ZNF568: variants seen among roughly 807,000 people sequenced by gnomAD.
ZNF568 encodes the protein p53 inhibitor of SCO2 activation.
Under a neutral mutation model 18.1 loss-of-function variants are expected in ZNF568, and 11 were observed. The ratio of observed to expected loss-of-function variants is 0.61; its 90% CI spans 0.38 to 1.00. The LOEUF is 1.00. ZNF568 is among the 50% of genes least tolerant of loss of function. The pLI is 0.01. For missense variants in ZNF568, 639 were observed against 768.2 expected, an observed-to-expected ratio of 0.83 and a Z score of 1.99; for synonymous variants, 213 against 246.6, an observed-to-expected ratio of 0.86 and a Z score of 1.28.
chr19:36,946,383 A>G (rs2073964861), intron 6 of ZNF568, among the ~76,000 whole-genome samples: 1 of 152,052 alleles, frequency 6.6e-6, no homozygotes, highest in Non-Finnish European at 1.5e-5. Context: ...ATTGTTTACT[A>G]TGAGGCAAGA....
In ZNF568 at chr19:36,950,887, A is replaced by G; in HGVS notation, c.1734A>G (p.Arg578=). The G allele has an allele frequency of 6.2e-7, 1 of 1,613,660 alleles. No individual in the cohort carries two copies. The highest frequency in any genetic ancestry group is 1.3e-5 in the African/African-American group (1 of 75,024). The part of the protein sequence containing the change: ...SRISSLTLHV[R]SHTGEKPYEC... The stretch of plus-strand genomic sequence containing the variant: ...TCTCATCCCTCACTCTTCATGTGAG[A>G]AGTCACACAGGGGAGAAACCCTATG... The change falls in exon 7 of 7, where the codon AGA becomes AGG. Residue 578 remains arginine, a synonymous_variant. Coordinates refer to ENST00000333987, the MANE Select transcript of ZNF568 (RefSeq NM_198539.4).
At chr19:36,974,602 G>A (rs2074265217) in intron 7 of ZNF568, 3 of 893,966 alleles carry the variant, frequency 3.4e-6, no homozygotes, top group Admixed American at 4.8e-5. Context: ...CATTTATGTA[G>A]CATTTTCCTA....
chr19:36,946,043 C>T (rs764197450), intron 6 of ZNF568, among the ~76,000 whole-genome samples: 3 of 151,716 alleles, frequency 2.0e-5, no homozygotes, highest in Non-Finnish European at 4.4e-5. Flanking sequence ...TGCAGTGAGC[C>T]GAGATTGCGC....
At chr19:36,945,163 A>G (rs889656667) in intron 6 of ZNF568, among the ~76,000 whole-genome samples, 1 of 151,932 alleles carries the variant, frequency 6.6e-6, no homozygotes, top group Non-Finnish European at 1.5e-5. Flanking sequence ...TGTTTAGAAT[A>G]TACTCTCTTT....
downstream of ZNF568, chr19:36,997,605 G>A (rs762479049): frequency 6.5e-7 from 1 of 1,546,618 alleles, no homozygotes; most frequent in African/African-American, 1.4e-5. Context: ...GTTGACACCA[G>A]AAAATTCATA....
chr19:36,938,625 G>C (rs1164322921), intron 6 of ZNF568, among the ~76,000 whole-genome samples: 1 of 152,120 alleles, frequency 6.6e-6, no homozygotes, highest in African/African-American at 2.4e-5. Flanking sequence ...TTTACATTTG[G>C]TTGATAGTTG....
intron 6 of ZNF568, among the ~76,000 whole-genome samples, chr19:36,963,987 G>C (rs1035041786): frequency 7.3e-5 from 9 of 122,722 alleles, no homozygotes; most frequent in African/African-American, 2.7e-4. Context: ...AAGAAAGGGT[G>C]GGGGGAGGGA....
intron 6 of ZNF568, among the ~76,000 whole-genome samples, chr19:36,940,386 C>T (rs893729724): frequency 6.6e-6 from 1 of 152,180 alleles, no homozygotes; most frequent in African/African-American, 2.4e-5. Context: ...CATTCTATTA[C>T]ACGTCTACCA....
At chr19:36,954,982 T>C (rs2309220), downstream of ZNF568, among the ~76,000 whole-genome samples, 2,580 of 151,966 alleles carry the variant, frequency 0.017, 34 homozygotes, top group African/African-American at 0.036. Context: ...TGGGTTCAAG[T>C]GATTCTCCTG....
chr19:36,937,039 G>A, intron 5 of ZNF568, 108 bp from the exon 6 acceptor site: 1 of 1,371,576 alleles, frequency 7.3e-7, no homozygotes, highest in Non-Finnish European at 1.0e-6. Context: ...CATTGTGTAA[G>A]TTCATTCATC....
chr19:36,993,803 A>C (rs1342829675), intron 4 of ZNF568, among the ~76,000 whole-genome samples: 1 of 152,016 alleles, frequency 6.6e-6, no homozygotes, highest in Non-Finnish European at 1.5e-5. Context: ...TTGTTGGTCA[A>C]TCTAGCCAAA....
At position 36,937,140 on chromosome 19, in the gene ZNF568, G is replaced by A. The variant is rs1170226341; in HGVS notation, c.263-7G>A. 4.3e-6 allele frequency: 7 copies of A among 1,613,048 alleles called. No homozygotes were observed. The highest frequency in any genetic ancestry group is 5.9e-6 in the Non-Finnish European group (7 of 1,179,426). ...ACATCCACATCCTTTGCTATTTCTT[G>A]TAATAGGCTGTCAAGTCACCAAACC... On this transcript the variant is annotated splice_polypyrimidine_tract_variant and splice_region_variant and intron_variant, in intron 5 of 6. Coordinates refer to ENST00000333987, the MANE Select transcript of ZNF568 (RefSeq NM_198539.4).
Position 36,950,111 on chromosome 19 carries a change from A to T in ZNF568, c.958A>T (p.Asn320Tyr). 6.2e-7 allele frequency: 1 copy of T among 1,613,706 alleles called. No individual in the cohort carries two copies. The highest frequency in any genetic ancestry group is 8.5e-7 in the Non-Finnish European group (1 of 1,179,870). The part of the protein sequence containing the change: ...DCWKAFSQKS[N>Y]LIEHERIHTG... ...TTGGAAAGCCTTCAGTCAGAAATCA[A>T]ATCTCATTGAACATGAGCGAATTCA... The change falls in exon 7 of 7, where the codon AAT (asparagine) becomes TAT (tyrosine). Residue 320 changes from asparagine (N) to tyrosine (Y), a missense_variant. Transcript: ENST00000333987.
At chr19:36,983,840 A>G (rs2074351465), downstream of ZNF568, among the ~76,000 whole-genome samples, 1 of 151,008 alleles carries the variant, frequency 6.6e-6, no homozygotes, top group African/African-American at 2.4e-5. Flanking sequence ...TGTGTCTCTA[A>G]TAACCAGCGT....
At chr19:36,931,535 A>T (rs28705716) in intron 4 of ZNF568, 1 of 151,634 alleles carries the variant, frequency 6.6e-6, no homozygotes, top group Admixed American at 6.6e-5. Context: ...TAATTTTTTT[A>T]TTTTTTATTT....
intron 2 of ZNF568, among the ~76,000 whole-genome samples, chr19:36,919,898 AC>A (rs1367249439): frequency 6.6e-6 from 1 of 152,232 alleles, no homozygotes; most frequent in Non-Finnish European, 1.5e-5. Context: ...AGTACATAAT[AC>A]TTGGTAATGA....
At chr19:36,917,027 T>TTTATGTTAGTTAG (rs2073349804) in intron 1 of ZNF568, among the ~76,000 whole-genome samples, 1 of 152,154 alleles carries the variant, frequency 6.6e-6, no homozygotes, top group South Asian at 2.1e-4. Context: ...ACTTGCTGCT[T>TTTATGTTAGTTAG]TTATGTATGT....
chr19:36,978,593 A>G (rs1310501991), intron 7 of ZNF568, among the ~76,000 whole-genome samples: 2 of 152,158 alleles, frequency 1.3e-5, no homozygotes, highest in African/African-American at 2.4e-5. Flanking sequence ...TGAGTAGGTC[A>G]CTATTTTCTT....
chr19:36,954,775 A>G (rs1003371383), downstream of ZNF568, among the ~76,000 whole-genome samples: 2 of 146,516 alleles, frequency 1.4e-5, no homozygotes, highest in African/African-American at 5.1e-5. Context: ...CTGGGGTTTC[A>G]CCATGTTGGC....
Sources: gnomAD v4.1 joint callset for allele counts (sites outside exome capture counted in the v4.1 genomes callset) on GRCh38, gnomAD v4.1.1 for gene constraint, MANE v1.5 for transcripts, NCBI Gene and HGNC (gene_info 2026-07-23, HGNC 2026-07-21) for gene names.